The following DGKE variants were observed in gnomAD, a reference collection of about 807,000 sequenced individuals.
DGKE encodes the protein DAG kinase epsilon.
DGKE carries 53 observed loss-of-function variants against 70.0 expected under a neutral mutation model. The ratio of observed to expected loss-of-function variants is 0.76; its 90% CI spans 0.61 to 0.95. The LOEUF (loss-of-function observed/expected upper bound fraction) is 0.95. Among genes scored for constraint, DGKE ranks in the 40% least tolerant of loss-of-function variants. DGKE has a pLI of 0.00. For synonymous variants in DGKE, 291 were observed against 257.0 expected (o/e 1.13, Z -1.27); for missense variants, 655 against 706.9 (o/e 0.93, Z 0.83).
intron 7 of DGKE, among the ~76,000 whole-genome samples, chr17:56,855,640 T>C (rs891937266): frequency 1.3e-5 from 2 of 152,178 alleles, no homozygotes; most frequent in South Asian, 4.1e-4. Flanking sequence ...ATCATAATTA[T>C]AAGATTCTTA....
rs528362518 is a variant in DGKE at position 56,865,755 on chromosome 17, A to C, written c.*2964A>C. The C allele has an allele frequency of 1.3e-5, 2 of 152,294 alleles. No individual in the cohort carries two copies. The highest frequency in any genetic ancestry group is 4.1e-4 in the South Asian group (2 of 4,828). The allele number at this position is 152,294 out of a possible 1,614,324, so 9.4% of individuals were successfully genotyped here. A position where few individuals can be genotyped will look rare whatever the true frequency, so the allele number is the denominator to read the frequency against. On this transcript the variant is annotated 3_prime_UTR_variant, in exon 12 of 12. Coordinates refer to ENST00000284061, the MANE Select transcript of DGKE (RefSeq NM_003647.3). Reference sequence around the variant, plus strand: ...TGTAAAGTCAGTTTGCGTTGTAAAAATGAATACTACCAGCATGTCAAAAGA... The same window carrying C: ...TGTAAAGTCAGTTTGCGTTGTAAAACTGAATACTACCAGCATGTCAAAAGA...
chr17:56,854,119 C>T (rs1199176751), intron 7 of DGKE, among the ~76,000 whole-genome samples: 1 of 151,700 alleles, frequency 6.6e-6, no homozygotes, highest in Non-Finnish European at 1.5e-5. Context: ...AAAAATCAAA[C>T]TCAAAGTCGA....
intron 1 of DGKE, 32 bp from the exon 2 acceptor site, chr17:56,834,746 C>G (rs750776751): frequency 1.4e-5 from 22 of 1,524,764 alleles, no homozygotes; most frequent in Non-Finnish European, 3.5e-6. Flanking sequence ...ATGGCGAGCT[C>G]GGGGTGCACC....
chr17:56,834,437 C>T (rs1057334381), intron 1 of DGKE, among the ~76,000 whole-genome samples, 177 bp downstream of exon 1: 2 of 152,244 alleles, frequency 1.3e-5, no homozygotes, highest in Non-Finnish European at 2.9e-5. Flanking sequence ...GCCTGAACGC[C>T]CGGCCTTTCG....
chr17:56,855,958 A>G (rs1907916703), intron 7 of DGKE, among the ~76,000 whole-genome samples: 1 of 149,926 alleles, frequency 6.7e-6, no homozygotes, highest in Non-Finnish European at 1.5e-5. Context: ...GAGAGCCGAG[A>G]TCGCGCCACT....
At chr17:56,838,775 T>A (rs1029445968) in intron 2 of DGKE, 5 of 152,208 alleles carry the variant, frequency 3.3e-5, no homozygotes, top group Non-Finnish European at 7.3e-5. Flanking sequence ...AGAGTAATGT[T>A]CTATATCTTG....
intron 2 of DGKE, among the ~76,000 whole-genome samples, chr17:56,843,149 A>T (rs545370637): frequency 1.3e-5 from 2 of 152,162 alleles, no homozygotes; most frequent in African/African-American, 4.8e-5. Flanking sequence ...AATATATATA[A>T]AACTATCATT....
intron 9 of DGKE, among the ~76,000 whole-genome samples, chr17:56,860,446 T>C (rs114226584): frequency 6.0e-4 from 91 of 152,286 alleles, no homozygotes; most frequent in African/African-American, 2.1e-3. Context: ...GGCAGATCAC[T>C]TGAACCCAGC....
In DGKE at chr17:56,848,116, A is replaced by G. The variant is rs764794623; in HGVS notation, c.888+51A>G. 6.4e-6 allele frequency: 6 copies of G among 931,004 alleles called. No individual in the cohort carries two copies. The South Asian group carries it at 2.3e-4, about 35-fold the overall frequency. 57.7% of individuals were successfully genotyped at this position (931,004 alleles called of 1,614,324 possible). On this transcript the variant is annotated intron_variant, in intron 5 of 11. Transcript: ENST00000284061. ...GAAGGACTTCTAAGATAAATATACT[A>G]TACATATATATATATATATGGGTTT... is the stretch of plus-strand genomic sequence containing the variant.
intron 10 of DGKE, 54 bp downstream of exon 10, chr17:56,861,972 T>C (rs1441989683): frequency 1.5e-5 from 23 of 1,554,138 alleles, no homozygotes; most frequent in Non-Finnish European, 2.0e-5. Flanking sequence ...TAAAGCAATC[T>C]CTTGTTTATA....
chr17:56,835,350 T>A, intron 2 of DGKE, 91 bp downstream of exon 2: 1 of 1,315,278 alleles, frequency 7.6e-7, no homozygotes, highest in Non-Finnish European at 1.0e-6. Context: ...TAATCTCTGC[T>A]GATGACCTAA....
chr17:56,836,516 CTG>C (rs1259842792), intron 2 of DGKE: 1 of 152,178 alleles, frequency 6.6e-6, no homozygotes, highest in Non-Finnish European at 1.5e-5. Context: ...CTCCAGCAGT[CTG>C]TGTCTGTGCA....
At chr17:56,853,214 T>C (rs1193121682) in intron 7 of DGKE, among the ~76,000 whole-genome samples, 1 of 152,244 alleles carries the variant, frequency 6.6e-6, no homozygotes, top group Non-Finnish European at 1.5e-5. Context: ...GTGTATAATT[T>C]ACAGAGATTT....
chr17:56,845,925 A>C (rs888858408), intron 4 of DGKE, 116 bp downstream of exon 4: 73 of 1,124,666 alleles, frequency 6.5e-5, no homozygotes, highest in Non-Finnish European at 8.1e-5. Context: ...TAATTACAAA[A>C]AGATCAGCCA....
intron 8 of DGKE, among the ~76,000 whole-genome samples, chr17:56,858,289 A>T (rs1243640808): frequency 6.6e-6 from 1 of 152,210 alleles, no homozygotes; most frequent in Non-Finnish European, 1.5e-5. Context: ...TGCCAAAAGT[A>T]TCTGTAATAT....
At chr17:56,859,688 G>C (rs1053223638) in intron 9 of DGKE, among the ~76,000 whole-genome samples, 2 of 152,162 alleles carry the variant, frequency 1.3e-5, no homozygotes, top group Non-Finnish European at 2.9e-5. Flanking sequence ...AAAGTGCTGG[G>C]ATTACAGGCG....
At chr17:56,846,040 A>G (rs1352458969) in intron 4 of DGKE, 4 of 307,580 alleles carry the variant, frequency 1.3e-5, no homozygotes, top group African/African-American at 6.5e-5. Context: ...TAAATTTATT[A>G]TATCTTCTAG....
intron 9 of DGKE, among the ~76,000 whole-genome samples, 163 bp from the exon 10 acceptor site, chr17:56,861,628 T>G (rs989810502): frequency 6.6e-6 from 1 of 152,118 alleles, no homozygotes; most frequent in African/African-American, 2.4e-5. Context: ...ACTGAAGAGA[T>G]AGAAAAGGGC....
Position 56,848,860 on chromosome 17 carries a change from T to TA in DGKE, c.1046+8dup. ...ATGGAATTAAACTAGATCGGTAAGT[T>TA]ACGTTTCCCCAAAAAGTAGATTTCT... On this transcript the variant is annotated splice_region_variant and intron_variant, in intron 6 of 11. Transcript: ENST00000284061. 2 of 1,614,112 alleles carry TA rather than the reference T, an allele frequency of 1.2e-6. No homozygotes were observed. The highest frequency in any genetic ancestry group is 1.7e-6 in the Non-Finnish European group (2 of 1,179,960).
Sources: gnomAD v4.1 joint callset for allele counts (sites outside exome capture counted in the v4.1 genomes callset) on GRCh38, gnomAD v4.1.1 for gene constraint, MANE v1.5 for transcripts, NCBI Gene and HGNC (gene_info 2026-07-23, HGNC 2026-07-21) for gene names.